VWA3B: variants seen among roughly 807,000 people sequenced by gnomAD.
VWA3B encodes the protein von Willebrand factor A domain containing 3B.
In VWA3B, 138 loss-of-function variants were observed where a neutral mutation model predicts 158.3. That is an observed-to-expected ratio of 0.87 (90% CI 0.76 to 1.00). VWA3B has a LOEUF of 1.00. Among genes scored for constraint, VWA3B ranks in the 50% least tolerant of loss-of-function variants. The probability of loss-of-function intolerance (pLI) is 0.00; values close to 1 mark genes in which losing one functional copy is unlikely to be tolerated. For missense variants in VWA3B, 1,555 were observed against 1,565.1 expected, an observed-to-expected ratio of 0.99 and a Z score of 0.11; for synonymous variants, 596 against 587.3, an observed-to-expected ratio of 1.01 and a Z score of -0.21.
rs1297022625 is a variant in VWA3B, at chr2:98,212,091, T to G, written c.1836+63T>G. The G allele has an allele frequency of 4.0e-6, 6 of 1,495,560 alleles. No homozygotes were observed. In the East Asian group the frequency reaches 1.4e-4, roughly 34 times the overall value. The allele number at this position is 1,495,560 out of a possible 1,614,324, so 92.6% of individuals were successfully genotyped here. A position where few individuals can be genotyped will look rare whatever the true frequency, so the allele number is the denominator to read the frequency against. ...ATGCTCTGAAAGCAAATGCTGGAAATGGGTCTGGGGGACCTTTTCAGCTGC... is the reference window on the plus strand; with the variant it reads ...ATGCTCTGAAAGCAAATGCTGGAAAGGGGTCTGGGGGACCTTTTCAGCTGC... On this transcript the variant is annotated intron_variant, in intron 13 of 27. Transcript: ENST00000477737.
intron 23 of VWA3B, among the ~76,000 whole-genome samples, chr2:98,292,755 G>A (rs7608698): frequency 1.1e-4 from 17 of 151,950 alleles, no homozygotes; most frequent in African/African-American, 4.1e-4. Flanking sequence ...ACCTGAGGTC[G>A]GGAGTTTGAG....
intron 2 of VWA3B, among the ~76,000 whole-genome samples, chr2:98,096,189 G>A (rs1358215032): frequency 6.6e-6 from 1 of 152,136 alleles, no homozygotes; most frequent in Non-Finnish European, 1.5e-5. Context: ...AGTTTGAGAA[G>A]AATTGGTATT....
chr2:98,168,799 GA>G (rs992037207), intron 8 of VWA3B, among the ~76,000 whole-genome samples: 4 of 152,028 alleles, frequency 2.6e-5, no homozygotes, highest in East Asian at 1.9e-4. Flanking sequence ...ACAGACATAT[GA>G]AAAAAAGATT....
chr2:98,277,712 C>T (rs1361442511), intron 22 of VWA3B, among the ~76,000 whole-genome samples: 1 of 152,088 alleles, frequency 6.6e-6, no homozygotes, highest in Non-Finnish European at 1.5e-5. Flanking sequence ...GGAAAATGCA[C>T]ACAGGGAGGC....
intron 19 of VWA3B, among the ~76,000 whole-genome samples, chr2:98,246,553 T>C (rs1322885149): frequency 6.6e-6 from 1 of 152,084 alleles, no homozygotes; most frequent in East Asian, 1.9e-4. Context: ...CATTTTTTTT[T>C]GTATTTTTAG....
chr2:98,225,985 C>T (rs1400404666), intron 14 of VWA3B, among the ~76,000 whole-genome samples: 2 of 152,140 alleles, frequency 1.3e-5, no homozygotes, highest in Non-Finnish European at 2.9e-5. Flanking sequence ...AACGACTTAA[C>T]ATATTAGAGA....
At chr2:98,316,831 C>T (rs1169769489), downstream of VWA3B, among the ~76,000 whole-genome samples, 1 of 152,044 alleles carries the variant, frequency 6.6e-6, no homozygotes, top group Non-Finnish European at 1.5e-5. Flanking sequence ...CCCCTCTCTT[C>T]CTTCTGCTCT....
rs1259730286 is a variant in VWA3B at position 98,092,733 on chromosome 2, G to C, written c.-32-328G>C. On this transcript the variant is annotated intron_variant, in intron 1 of 27. Transcript: ENST00000477737. Reference sequence around the variant, plus strand: ...ATAATGCAAAAATTTAAACAATATAGAAAAGGCAAAAACCACACATACTAC... The same window carrying C: ...ATAATGCAAAAATTTAAACAATATACAAAAGGCAAAAACCACACATACTAC... Among the ~76,000 whole-genome samples the C allele has an allele frequency of 2.7e-5, 4 of 147,068 alleles. No individual in the cohort carries two copies. In the East Asian group the frequency reaches 8.1e-4, roughly 30 times the overall value.
intron 2 of VWA3B, among the ~76,000 whole-genome samples, chr2:98,109,488 A>G (rs1673964126): frequency 6.6e-6 from 1 of 152,118 alleles, no homozygotes; most frequent in East Asian, 1.9e-4. Flanking sequence ...ATCTTCTTAC[A>G]TTGAGAATTA....
chr2:98,239,385 GA>G (rs869179577), intron 19 of VWA3B, among the ~76,000 whole-genome samples: 5 of 151,030 alleles, frequency 3.3e-5, no homozygotes, highest in Non-Finnish European at 5.9e-5. Flanking sequence ...CATGCTAAAT[GA>G]AAAAAATCAG....
At chr2:98,090,055 C>A (rs1039161334) in intron 1 of VWA3B, among the ~76,000 whole-genome samples, 6 of 152,062 alleles carry the variant, frequency 3.9e-5, no homozygotes, top group Non-Finnish European at 8.8e-5. Flanking sequence ...CCTAGTACTC[C>A]CTTCAGCAAG....
At chr2:98,276,944 G>A (rs1688564468) in intron 22 of VWA3B, among the ~76,000 whole-genome samples, 1 of 152,188 alleles carries the variant, frequency 6.6e-6, no homozygotes, top group East Asian at 1.9e-4. Context: ...CTGTCAGTAA[G>A]AACCAGCGGT....
At chr2:98,283,926 A>G (rs879777649) in intron 22 of VWA3B, among the ~76,000 whole-genome samples, 32 of 152,310 alleles carry the variant, frequency 2.1e-4, no homozygotes, top group Non-Finnish European at 4.4e-4. Flanking sequence ...AGGTCATTTC[A>G]AGCCACAGTA....
intron 16 of VWA3B, among the ~76,000 whole-genome samples, chr2:98,233,316 G>A (rs1340822982): frequency 6.6e-6 from 1 of 152,158 alleles, no homozygotes; most frequent in African/African-American, 2.4e-5. Flanking sequence ...TCCGGGGAGG[G>A]GCTAAATGTT....
At chr2:98,330,240 GCTCAGGTCTAACTAAGGGGCT>G in the VWA3B span, among the ~76,000 whole-genome samples, 9 of 152,178 alleles carry the variant, frequency 5.9e-5, no homozygotes, top group Non-Finnish European at 1.3e-4. Context: ...CCAAGGGGAA[GCTCAGGTCTAACTAAGGGGCT>G]CTTTTCCCTT....
chr2:98,256,763 A>G (rs1687179473), intron 21 of VWA3B, among the ~76,000 whole-genome samples: 2 of 152,198 alleles, frequency 1.3e-5, no homozygotes, highest in African/African-American at 4.8e-5. Context: ...AGGAACCACC[A>G]AACTGTTTTT....
At chr2:98,111,524 T>C (rs939704523) in intron 2 of VWA3B, among the ~76,000 whole-genome samples, 1 of 152,162 alleles carries the variant, frequency 6.6e-6, no homozygotes, top group African/African-American at 2.4e-5. Flanking sequence ...CAACAGTGTA[T>C]AAGCATTCCC....
At chr2:98,167,986 A>G (rs921250932) in intron 8 of VWA3B, among the ~76,000 whole-genome samples, 1 of 152,220 alleles carries the variant, frequency 6.6e-6, no homozygotes, top group African/African-American at 2.4e-5. Context: ...ACATAACTGC[A>G]TCTCTGAACA....
At chr2:98,280,487 G>A (rs904397216) in intron 22 of VWA3B, among the ~76,000 whole-genome samples, 2 of 152,198 alleles carry the variant, frequency 1.3e-5, no homozygotes, top group Non-Finnish European at 2.9e-5. Flanking sequence ...CTGGGGTCAG[G>A]GAGGGGAAGG....
Sources: allele counts gnomAD v4.1 joint callset (sites outside exome capture counted in the v4.1 genomes callset), GRCh38; gene constraint gnomAD v4.1.1; transcripts MANE v1.5; gene names NCBI Gene and HGNC (gene_info 2026-07-23, HGNC 2026-07-21).